CNTN5: variants seen among roughly 807,000 people sequenced by gnomAD.
The protein encoded by CNTN5 is contactin-5.
In CNTN5, 77 loss-of-function variants were observed where a neutral mutation model predicts 129.1. The observed-to-expected ratio is 0.60, with a 90% CI of 0.50 to 0.72. CNTN5 has a LOEUF of 0.72. Ranked by LOEUF, CNTN5 falls within the 30% of genes least tolerant of loss-of-function variation. CNTN5 has a pLI of 0.00. For synonymous variants in CNTN5, 509 were observed against 465.6 expected, an observed-to-expected ratio of 1.09 and a Z score of -1.20; for missense variants, 1,478 against 1,328.8, an observed-to-expected ratio of 1.11 and a Z score of -1.75.
At chr11:99,189,150 A>G (rs546853964) in intron 1 of CNTN5, among the ~76,000 whole-genome samples, 5 of 151,808 alleles carry the variant, frequency 3.3e-5, no homozygotes, top group African/African-American at 1.2e-4. Context: ...ACCATGTTAC[A>G]CAAATAACAG....
intron 1 of CNTN5, among the ~76,000 whole-genome samples, chr11:99,187,136 T>C (rs1234580792): frequency 1.3e-5 from 2 of 151,896 alleles, no homozygotes; most frequent in African/African-American, 2.4e-5. Flanking sequence ...TATCCAGTGA[T>C]AAATCCAGCA....
At chr11:100,317,789 T>C (rs920075310) in intron 21 of CNTN5, among the ~76,000 whole-genome samples, 1 of 152,176 alleles carries the variant, frequency 6.6e-6, no homozygotes, top group Non-Finnish European at 1.5e-5. Context: ...ATGCATGGCT[T>C]CATGGTTGAA....
chr11:99,856,365 C>T (rs1235806586), intron 6 of CNTN5, among the ~76,000 whole-genome samples: 1 of 152,120 alleles, frequency 6.6e-6, no homozygotes, highest in Non-Finnish European at 1.5e-5. Context: ...TAGAGAGGCT[C>T]AGATTAGATA....
At chr11:100,120,356 A>C (rs1246583460) in intron 13 of CNTN5, among the ~76,000 whole-genome samples, 1 of 151,950 alleles carries the variant, frequency 6.6e-6, no homozygotes, top group South Asian at 2.1e-4. Context: ...TTTCATTTAA[A>C]CTGATCATAG....
At chr11:99,300,862 T>A (rs1324128789) in intron 1 of CNTN5, among the ~76,000 whole-genome samples, 1 of 151,964 alleles carries the variant, frequency 6.6e-6, no homozygotes. Context: ...ACATGATGCT[T>A]TCATCTTCCT....
In CNTN5 at chr11:100,017,907, A is replaced by G. The variant is rs184963028; in HGVS notation, c.980+15771A>G. On this transcript the variant is annotated intron_variant, in intron 9 of 24. Transcript: ENST00000524871. The stretch of plus-strand genomic sequence containing the variant: ...TTTTATTGACTATGTGTTACAAATA[A>G]AAGAAAATAGAATAGACAAAGACTG... Among the ~76,000 whole-genome samples, 21 of 152,138 alleles carry G rather than the reference A, an allele frequency of 1.4e-4. 1 individual carries two copies. The South Asian group carries it at 2.5e-3, about 18-fold the overall frequency.
At chr11:100,284,976 T>C (rs1203925193) in intron 18 of CNTN5, among the ~76,000 whole-genome samples, 1 of 152,210 alleles carries the variant, frequency 6.6e-6, no homozygotes, top group African/African-American at 2.4e-5. Context: ...AGGAAGTATG[T>C]CATTTAAGGC....
rs184487448 is a variant in CNTN5, at chr11:99,720,591, A to G, written c.56-98953A>G. ...GGAAGCATTCCCCTTGAAAATCTGTACAAGACAAGGATGCCCTCTCTTACC... is the reference window on the plus strand; with the variant it reads ...GGAAGCATTCCCCTTGAAAATCTGTGCAAGACAAGGATGCCCTCTCTTACC... On this transcript the variant is annotated intron_variant, in intron 3 of 24. Coordinates refer to ENST00000524871, the MANE Select transcript of CNTN5 (RefSeq NM_014361.4). Among the ~76,000 whole-genome samples, 24 of 152,226 alleles carry G rather than the reference A, an allele frequency of 1.6e-4. No homozygotes were observed. In the East Asian group the frequency reaches 4.3e-3, roughly 27 times the overall value.
intron 6 of CNTN5, among the ~76,000 whole-genome samples, chr11:99,868,170 C>T (rs1228696323): frequency 3.3e-5 from 5 of 151,338 alleles, no homozygotes; most frequent in African/African-American, 4.9e-5. Context: ...GAGCTGAGAA[C>T]GTGCCGCTGC....
chr11:100,284,236 C>A (rs1417042730), intron 18 of CNTN5, among the ~76,000 whole-genome samples: 1 of 152,104 alleles, frequency 6.6e-6, no homozygotes, highest in Non-Finnish European at 1.5e-5. Context: ...GAGTGCTCAC[C>A]TGATTTTTGG....
At chr11:99,302,566 C>T (rs941997181) in intron 1 of CNTN5, among the ~76,000 whole-genome samples, 2 of 151,534 alleles carry the variant, frequency 1.3e-5, no homozygotes, top group African/African-American at 4.8e-5. Context: ...TAATTTAATA[C>T]CTTCATATCA....
At chr11:99,176,258 G>T (rs966117070) in intron 1 of CNTN5, among the ~76,000 whole-genome samples, 4 of 151,840 alleles carry the variant, frequency 2.6e-5, no homozygotes, top group Non-Finnish European at 5.9e-5. Context: ...CAGACCGAGA[G>T]GTTAAGAGAC....
rs184791915 is a variant in CNTN5, at chr11:99,053,086, T to C, written c.-210+31816T>C. On this transcript the variant is annotated intron_variant, in intron 1 of 24. Coordinates refer to ENST00000524871, the MANE Select transcript of CNTN5 (RefSeq NM_014361.4). ...CTTATGTGCCAATACATTTAGTCAA[T>C]GTACAATAATCTTTCTATTTGTGTG... is the stretch of plus-strand genomic sequence containing the variant. 7.2e-5 allele frequency among the ~76,000 whole-genome samples: 11 copies of C among 152,044 alleles called. No individual in the cohort carries two copies. The East Asian group carries it at 2.1e-3, about 29-fold the overall frequency.
At chr11:99,628,252 C>T (rs562140229) in intron 3 of CNTN5, among the ~76,000 whole-genome samples, 1 of 151,954 alleles carries the variant, frequency 6.6e-6, no homozygotes, top group African/African-American at 2.4e-5. Flanking sequence ...AACATTTGAC[C>T]CATCTAGAAA....
intron 3 of CNTN5, among the ~76,000 whole-genome samples, chr11:99,691,273 T>C (rs1002124503): frequency 2.6e-5 from 4 of 152,040 alleles, no homozygotes; most frequent in Non-Finnish European, 5.9e-5. Context: ...TGATCTTTAT[T>C]TCTTGTCTTC....
At chr11:100,126,326 G>T (rs80041398) in intron 13 of CNTN5, among the ~76,000 whole-genome samples, 13 of 152,162 alleles carry the variant, frequency 8.5e-5, no homozygotes, top group African/African-American at 2.6e-4. Flanking sequence ...CAAATGTTAC[G>T]TTTAAGTCCA....
At chr11:99,969,133 G>T (rs576887227) in intron 8 of CNTN5, among the ~76,000 whole-genome samples, 2 of 138,540 alleles carry the variant, frequency 1.4e-5, no homozygotes, top group Admixed American at 7.2e-5. Context: ...TCTATAAAGA[G>T]AATTTTTTAT....
chr11:100,214,895 G>C (rs1949107638), intron 15 of CNTN5, among the ~76,000 whole-genome samples: 1 of 152,180 alleles, frequency 6.6e-6, no homozygotes, highest in African/African-American at 2.4e-5. Context: ...AGGATGGCTT[G>C]AATATGCTTC....
chr11:99,116,330 A>C (rs1310107825), intron 1 of CNTN5, among the ~76,000 whole-genome samples: 1 of 152,200 alleles, frequency 6.6e-6, no homozygotes, highest in Admixed American at 6.5e-5. Flanking sequence ...ATAGTAGATT[A>C]ACAGTGGGAG....
Sources: gnomAD v4.1 joint callset for allele counts (sites outside exome capture counted in the v4.1 genomes callset) on GRCh38, gnomAD v4.1.1 for gene constraint, MANE v1.5 for transcripts, NCBI Gene and HGNC (gene_info 2026-07-23, HGNC 2026-07-21) for gene names.